Variants in CASP2 observed in about 807,000 individuals in gnomAD.
CASP2 encodes the protein caspase 2, also known as caspase-2.
A neutral mutation model predicts 54.4 loss-of-function variants in CASP2; 38 were observed. That is an observed-to-expected ratio of 0.70 (90% CI 0.54 to 0.92). The LOEUF is 0.92. Among genes scored for constraint, CASP2 ranks in the 40% least tolerant of loss-of-function variants. The pLI, the probability that CASP2 is intolerant of heterozygous loss-of-function variation, is 0.00. For missense variants in CASP2, 512 were observed against 579.6 expected (o/e 0.88, Z 1.20); for synonymous variants, 215 against 216.3 (o/e 0.99, Z 0.05).
rs1300263233 is a variant in CASP2, at chr7:143,305,760, A to C, written c.*689A>C. 1 of 155,344 alleles carries C rather than the reference A, an allele frequency of 6.4e-6. No individual in the cohort carries two copies. Among genetic ancestry groups the C allele is most frequent in the Non-Finnish European group, 1.4e-5 (1 of 69,930 alleles). The allele number at this position is 155,344 out of a possible 1,614,324, so 9.6% of individuals were successfully genotyped here. ...ATTGATCTTTGCCCATGGAAGTCTCAAAGATCTTTCGTTGGTTGTTTCTCT... is the reference window on the plus strand; with the variant it reads ...ATTGATCTTTGCCCATGGAAGTCTCCAAGATCTTTCGTTGGTTGTTTCTCT... On this transcript the variant is annotated 3_prime_UTR_variant, in exon 11 of 11. Coordinates refer to ENST00000310447, the MANE Select transcript of CASP2 (RefSeq NM_032982.4).
At chr7:143,296,452 G>A (rs553445406) in intron 6 of CASP2, among the ~76,000 whole-genome samples, 165 of 152,352 alleles carry the variant, frequency 1.1e-3, no homozygotes, top group Non-Finnish European at 1.9e-3. Flanking sequence ...AGAAGAAGAA[G>A]CGCCTAGGTA....
Position 143,305,147 on chromosome 7 carries a change from G to A in CASP2, c.*76G>A. The A allele has an allele frequency of 2.5e-6, 4 of 1,576,964 alleles. No individual in the cohort carries two copies. The South Asian group carries it at 3.3e-5, about 13-fold the overall frequency. The stretch of plus-strand genomic sequence containing the variant: ...GTGTGATAGAGCCTTTGATCTTCAG[G>A]ATGCACGGTTTCTGTTCTGCCCCCT... On this transcript the variant is annotated 3_prime_UTR_variant, in exon 11 of 11. Coordinates refer to ENST00000310447, the MANE Select transcript of CASP2 (RefSeq NM_032982.4).
At chr7:143,293,505 G>GTT (rs199829830) in intron 4 of CASP2, among the ~76,000 whole-genome samples, 2 of 149,414 alleles carry the variant, frequency 1.3e-5, no homozygotes, top group African/African-American at 2.5e-5. Flanking sequence ...GGAGTTTGTG[G>GTT]TTTTTTGTTT....
chr7:143,294,666 A>G lies in CASP2; in HGVS notation c.640A>G (p.Lys214Glu). Residue 214 changes from lysine to glutamate, a missense_variant, in exon 6 of 11, where the codon AAA becomes GAA. Coordinates refer to ENST00000310447, the MANE Select transcript of CASP2 (RefSeq NM_032982.4). The part of the protein sequence containing the change: ...VLSNVHFTGE[K>E]ELEFRSGGDV... ...GAGCAATGTGCACTTCACTGGAGAG[A>G]AAGAACTGGAATTTCGCTCTGGAGG... is the stretch of plus-strand genomic sequence containing the variant. 1 of 1,614,204 alleles carries G rather than the reference A, an allele frequency of 6.2e-7. No individual in the cohort carries two copies. The highest frequency in any genetic ancestry group is 8.5e-7 in the Non-Finnish European group (1 of 1,180,022).
chr7:143,293,073 G>T (rs1801628808), intron 4 of CASP2: 4 of 616,878 alleles, frequency 6.5e-6, no homozygotes, highest in Non-Finnish European at 1.1e-5. Flanking sequence ...CCCCTTTCTT[G>T]TCTGGTATCT....
At position 143,294,652 on chromosome 7, in the gene CASP2, A is replaced by G; in HGVS notation, c.626A>G (p.His209Arg). Residue 209 changes from histidine to arginine, a missense_variant, in exon 6 of 11, where the codon CAC becomes CGC. His to Arg is a conservative substitution (Grantham distance 29). Coordinates refer to ENST00000310447, the MANE Select transcript of CASP2 (RefSeq NM_032982.4). ...CTAGCACTGGTGTTGAGCAATGTGCACTTCACTGGAGAGAAAGAACTGGAA... is the reference window on the plus strand; with the variant it reads ...CTAGCACTGGTGTTGAGCAATGTGCGCTTCACTGGAGAGAAAGAACTGGAA... Reference protein sequence around the residue: ...RGLALVLSNVHFTGEKELEFR... With the variant: ...RGLALVLSNVRFTGEKELEFR... 1 of 1,614,212 alleles carries G rather than the reference A, an allele frequency of 6.2e-7. No homozygotes were observed. Among genetic ancestry groups the G allele is most frequent in the Non-Finnish European group, 8.5e-7 (1 of 1,180,022 alleles).
chr7:143,304,560 C>G (rs75015326), intron 9 of CASP2, 114 bp from the exon 10 acceptor site: 2 of 808,154 alleles, frequency 2.5e-6, no homozygotes, highest in Non-Finnish European at 2.2e-6. Context: ...GACTTAGATT[C>G]TTCATGCTGG....
rs765641346 is a variant in CASP2, at chr7:143,305,076, A to G, written c.*5A>G. Reference sequence around the variant, plus strand: ...CCAGGACACCCTCCCACATGATGTCACCTCCCCATCATCCACGCCAAGTGG... The same window carrying G: ...CCAGGACACCCTCCCACATGATGTCGCCTCCCCATCATCCACGCCAAGTGG... On this transcript the variant is annotated 3_prime_UTR_variant, in exon 11 of 11. Coordinates refer to ENST00000310447, the MANE Select transcript of CASP2 (RefSeq NM_032982.4). The G allele has an allele frequency of 6.2e-7, 1 of 1,613,900 alleles. No individual in the cohort carries two copies. The highest frequency in any genetic ancestry group is 1.1e-5 in the South Asian group (1 of 91,078).
intron 6 of CASP2, among the ~76,000 whole-genome samples, chr7:143,297,348 G>A (rs1052783977): frequency 1.3e-5 from 2 of 152,136 alleles, no homozygotes; most frequent in African/African-American, 2.4e-5. Flanking sequence ...GTTACAAAGT[G>A]CGTGTATTCT....
At chr7:143,300,931 G>C (rs1801899437) in intron 8 of CASP2, 1 of 1,008,640 alleles carries the variant, frequency 9.9e-7, no homozygotes, top group Non-Finnish European at 1.2e-6. Flanking sequence ...ACATAGGTGT[G>C]CTTCTCATCC....
intron 8 of CASP2, chr7:143,300,604 C>T: frequency 7.2e-7 from 1 of 1,393,856 alleles, no homozygotes. Context: ...TTCATTAACT[C>T]TGGTGCCCTT....
In CASP2 at chr7:143,303,829, C is replaced by T. The variant is rs1801991440; in HGVS notation, c.1013C>T (p.Ala338Val). ...GVDQQDGKNH[A>V]GSPGCEESDA... ...GACCAACAAGATGGAAAGAACCACG[C>T]AGGATCCCCTGGGTGCGAGGAGAGT... is the stretch of plus-strand genomic sequence containing the variant. The change falls in exon 9 of 11, where the codon GCA becomes GTA. Residue 338 changes from alanine (A) to valine (V), a missense_variant. By Grantham distance (64) the Ala-to-Val change is moderately conservative. This residue lies in a region of CASP2 where 417 missense variants were observed against 495.4 expected (regional missense o/e 0.84). Coordinates refer to ENST00000310447, the MANE Select transcript of CASP2 (RefSeq NM_032982.4). 6.2e-7 allele frequency: 1 copy of T among 1,613,846 alleles called. No homozygotes were observed. The highest frequency in any genetic ancestry group is 1.3e-5 in the African/African-American group (1 of 74,994).
chr7:143,305,350 A>C lies in CASP2; in HGVS notation c.*279A>C. ...GAAGAGCCTGACAAGTGAAGTTGTA[A>C]ACACAGTGTGGTTATGGGGAGAGGG... On this transcript the variant is annotated 3_prime_UTR_variant, in exon 11 of 11. Coordinates refer to ENST00000310447, the MANE Select transcript of CASP2 (RefSeq NM_032982.4). 1.9e-6 allele frequency: 1 copy of C among 532,590 alleles called. No individual in the cohort carries two copies. The highest frequency in any genetic ancestry group is 3.4e-6 in the Non-Finnish European group (1 of 293,506). The allele number at this position is 532,590 out of a possible 1,614,324, so 33.0% of individuals were successfully genotyped here. A position where few individuals can be genotyped will look rare whatever the true frequency, so the allele number is the denominator to read the frequency against.
chr7:143,292,263 A>C lies in CASP2; in HGVS notation c.226-37A>C. ...GGAGAAATAGAATTATAGCTAGAGAAGTAAATATGATTTCATGTTTTATTC... is the reference window on the plus strand; with the variant it reads ...GGAGAAATAGAATTATAGCTAGAGACGTAAATATGATTTCATGTTTTATTC... On this transcript the variant is annotated intron_variant, in intron 2 of 10. Coordinates refer to ENST00000310447, the MANE Select transcript of CASP2 (RefSeq NM_032982.4). The C allele has an allele frequency of 2.5e-6, 4 of 1,604,678 alleles. No homozygotes were observed. In the South Asian group the frequency reaches 4.4e-5, roughly 18 times the overall value.
chr7:143,300,138 A>T, intron 7 of CASP2, 66 bp from the exon 8 acceptor site: 1 of 1,611,856 alleles, frequency 6.2e-7, no homozygotes, highest in Non-Finnish European at 8.5e-7. Context: ...CTACTGTTGC[A>T]TGTGTAGGAC....
Position 143,306,581 on chromosome 7 carries a change from A to C in CASP2, c.*1510A>C, listed in dbSNP as rs990066619. On this transcript the variant is annotated 3_prime_UTR_variant, in exon 11 of 11. Coordinates refer to ENST00000310447, the MANE Select transcript of CASP2 (RefSeq NM_032982.4). ...CAAGACCTTTTTTTAAAAAAAAAAA[A>C]AAAAAAACTTCCATTCTTTCTTCCT... The C allele has an allele frequency of 4.6e-5, 7 of 151,900 alleles. No individual in the cohort carries two copies. Among genetic ancestry groups the C allele is most frequent in the African/African-American group, 1.2e-4 (5 of 41,456 alleles). The allele number at this position is 151,900 out of a possible 1,614,324, so 9.4% of individuals were successfully genotyped here. A position where few individuals can be genotyped will look rare whatever the true frequency, so the allele number is the denominator to read the frequency against.
intron 1 of CASP2, 142 bp downstream of exon 1, chr7:143,288,671 C>G: frequency 1.3e-6 from 1 of 757,958 alleles, no homozygotes; most frequent in Non-Finnish European, 2.1e-6. Flanking sequence ...GGTGGGACGC[C>G]CGCCCGAGCC....
rs774698586 is a variant in CASP2 at position 143,291,584 on chromosome 7, TAAAAA to T, written c.121_125del (p.Lys41GlufsTer51). ...ATGCATCCTCATCATCAGGAAACTCTAAAAAAGAACCGAGTGGTGCTAGCCAAACA... is the reference window on the plus strand; with the variant it reads ...ATGCATCCTCATCATCAGGAAACTCTAGAACCGAGTGGTGCTAGCCAAACA... On this transcript the variant is annotated frameshift_variant, in exon 2 of 11. Transcript: ENST00000310447. LOFTEE classifies it high-confidence loss of function. 1.2e-6 allele frequency: 2 copies of T among 1,614,096 alleles called. No homozygotes were observed. Among genetic ancestry groups the T allele is most frequent in the Non-Finnish European group, 1.7e-6 (2 of 1,180,000 alleles).
chr7:143,304,841 C>T (rs1802020764), intron 10 of CASP2, 58 bp downstream of exon 10: 1 of 1,605,464 alleles, frequency 6.2e-7, no homozygotes, highest in Non-Finnish European at 8.5e-7. Context: ...CTTTCCTCCT[C>T]TCTTGAATGC....
Sources: gnomAD v4.1 joint callset for allele counts (sites outside exome capture counted in the v4.1 genomes callset) on GRCh38, gnomAD v4.1.1 for gene constraint, gnomAD v4.1.1 regional missense constraint, MANE v1.5 for transcripts, NCBI Gene and HGNC (gene_info 2026-07-23, HGNC 2026-07-21) for gene names.